The following SPIDR variants were observed in gnomAD, a reference collection of about 807,000 sequenced individuals.
The protein encoded by SPIDR is DNA repair-scaffolding protein.
SPIDR carries 93 observed loss-of-function variants against 104.6 expected under a neutral mutation model. That is an observed-to-expected ratio of 0.89 (90% confidence interval 0.75 to 1.06). The LOEUF is 1.06. Among genes scored for constraint, SPIDR ranks in the 50% least tolerant of loss-of-function variants. The pLI, the probability that SPIDR is intolerant of heterozygous loss-of-function variation, is 0.00. For synonymous variants in SPIDR, 431 were observed against 416.9 expected (o/e 1.03, Z -0.41); for missense variants, 1,154 against 1,111.2 (o/e 1.04, Z -0.55).
In SPIDR at chr8:47,578,119, C is replaced by A. The variant is rs142202085; in HGVS notation, c.1098-17692C>A. 1.5e-3 allele frequency among the ~76,000 whole-genome samples: 226 copies of A among 152,344 alleles called. 5 individuals carry two copies. In the East Asian group the frequency reaches 0.031, roughly 21 times the overall value. ...TTTTCTTTCAAGACTACACTATGCA[C>A]TTCACTTGTTAATACATACATTTGA... On this transcript the variant is annotated intron_variant, in intron 8 of 19. Coordinates refer to ENST00000297423, the MANE Select transcript of SPIDR (RefSeq NM_001080394.4).
intron 11 of SPIDR, among the ~76,000 whole-genome samples, chr8:47,693,960 C>G (rs1050978651): frequency 6.6e-6 from 1 of 152,218 alleles, no homozygotes; most frequent in Non-Finnish European, 1.5e-5. Flanking sequence ...GAGCATGGCC[C>G]TAGCCCCAGG....
intron 10 of SPIDR, among the ~76,000 whole-genome samples, chr8:47,628,919 G>A (rs1004683945): frequency 3.3e-5 from 5 of 152,174 alleles, no homozygotes; most frequent in Admixed American, 3.3e-4. Context: ...CTACTTTCTG[G>A]ATCAGTCTCA....
intron 10 of SPIDR, among the ~76,000 whole-genome samples, chr8:47,621,230 C>T (rs960380228): frequency 6.6e-5 from 10 of 152,254 alleles, no homozygotes; most frequent in Non-Finnish European, 1.5e-4. Context: ...GCTGGGATTA[C>T]AGGCGTGAGC....
intron 5 of SPIDR, among the ~76,000 whole-genome samples, chr8:47,302,444 T>C (rs977867449): frequency 2.2e-4 from 34 of 152,124 alleles, no homozygotes; most frequent in African/African-American, 8.2e-4. Context: ...TTCTCTCAAC[T>C]CGTCAAAGTC....
intron 9 of SPIDR, among the ~76,000 whole-genome samples, chr8:47,598,354 A>G (rs985768171): frequency 2.6e-5 from 4 of 152,160 alleles, no homozygotes; most frequent in South Asian, 2.1e-4. Flanking sequence ...GATATTATCT[A>G]TCTTCTTGGG....
chr8:47,632,379 C>G (rs1298558549), intron 10 of SPIDR, among the ~76,000 whole-genome samples: 1 of 152,168 alleles, frequency 6.6e-6, no homozygotes, highest in Admixed American at 6.5e-5. Context: ...TTTCACTGCA[C>G]TCACAGCCCA....
chr8:47,723,910 T>C (rs1003787924), intron 16 of SPIDR, among the ~76,000 whole-genome samples: 4 of 151,942 alleles, frequency 2.6e-5, no homozygotes, highest in East Asian at 1.9e-4. Context: ...ACTCCTGTTA[T>C]GCATTTCACT....
chr8:47,565,971 CATATATAT>C lies in SPIDR; in HGVS notation c.1098-29825_1098-29818del, dbSNP rs1170408396. ...TGGATAAGAATGTGATATTTATACTCATATATATATATATATATATATTTTTTTTTTTT... is the reference window on the plus strand; with the variant it reads ...TGGATAAGAATGTGATATTTATACTCATATATATATATATTTTTTTTTTTT... On this transcript the variant is annotated intron_variant, in intron 8 of 19. Coordinates refer to ENST00000297423, the MANE Select transcript of SPIDR (RefSeq NM_001080394.4). Among the ~76,000 whole-genome samples the C allele has an allele frequency of 2.8e-3, 116 of 41,458 alleles. 5 individuals carry two copies. Among genetic ancestry groups the C allele is most frequent in the Non-Finnish European group, 4.5e-3 (95 of 20,952 alleles). 27.2% of individuals were successfully genotyped at this position (41,458 alleles called of 152,430 possible).
intron 10 of SPIDR, among the ~76,000 whole-genome samples, chr8:47,624,861 G>A (rs909377599): frequency 1.3e-5 from 2 of 152,142 alleles, no homozygotes; most frequent in African/African-American, 4.8e-5. Flanking sequence ...AATAGAAAAA[G>A]AGGGAATCCT....
intron 10 of SPIDR, among the ~76,000 whole-genome samples, chr8:47,658,044 A>AAAAAAAAG (rs2073222297): frequency 6.8e-6 from 1 of 146,314 alleles, no homozygotes; most frequent in African/African-American, 2.7e-5. Flanking sequence ...AAAAAAAAAA[A>AAAAAAAAG]AAAAAGAAAA....
chr8:47,464,827 G>T (rs980921099), intron 8 of SPIDR, among the ~76,000 whole-genome samples: 2 of 151,972 alleles, frequency 1.3e-5, no homozygotes, highest in African/African-American at 4.8e-5. Context: ...GGAGTGTCTT[G>T]GCAAAGTTTT....
At chr8:47,613,643 G>A (rs1388677732) in intron 10 of SPIDR, among the ~76,000 whole-genome samples, 4 of 152,116 alleles carry the variant, frequency 2.6e-5, no homozygotes, top group African/African-American at 9.7e-5. Flanking sequence ...ATCCTCGCCA[G>A]CACTTGCTAT....
intron 10 of SPIDR, among the ~76,000 whole-genome samples, chr8:47,617,628 TAA>T (rs914470277): frequency 6.6e-6 from 1 of 152,192 alleles, no homozygotes; most frequent in African/African-American, 2.4e-5. Context: ...GGATAATATA[TAA>T]GAGATGTTGT....
intron 8 of SPIDR, among the ~76,000 whole-genome samples, chr8:47,450,817 A>T (rs2071580985): frequency 6.6e-6 from 1 of 152,228 alleles, no homozygotes; most frequent in South Asian, 2.1e-4. Context: ...AACCACATGA[A>T]GTGCCTGTTG....
intron 5 of SPIDR, among the ~76,000 whole-genome samples, chr8:47,373,505 T>C (rs2058298529): frequency 6.6e-6 from 1 of 152,068 alleles, no homozygotes; most frequent in South Asian, 2.1e-4. Context: ...TTTTTTTTAA[T>C]TTTTATTTTT....
rs551707512 is a variant in SPIDR, at chr8:47,261,838, C to T, written c.33+847C>T. 7.9e-5 allele frequency among the ~76,000 whole-genome samples: 12 copies of T among 152,282 alleles called. 1 individual carries two copies. In the South Asian group the frequency reaches 2.5e-3, roughly 32 times the overall value. On this transcript the variant is annotated intron_variant, in intron 1 of 19. Coordinates refer to ENST00000297423, the MANE Select transcript of SPIDR (RefSeq NM_001080394.4). ...ACTGGCTTTAGGGAATAAAGAAATT[C>T]ATTTCAGGCACCTCTTGATTATAAG...
At chr8:47,292,903 G>A (rs1467920067) in intron 4 of SPIDR, among the ~76,000 whole-genome samples, 1 of 152,036 alleles carries the variant, frequency 6.6e-6, no homozygotes, top group East Asian at 1.9e-4. Context: ...ATGAATGAAT[G>A]AGTGCTGCAC....
chr8:47,715,428 C>T (rs572102593), intron 16 of SPIDR, among the ~76,000 whole-genome samples: 22 of 152,250 alleles, frequency 1.4e-4, no homozygotes, highest in African/African-American at 4.1e-4. Flanking sequence ...CTCCTCTCCT[C>T]GGCCTCCCAA....
intron 10 of SPIDR, among the ~76,000 whole-genome samples, chr8:47,649,633 G>A (rs1378857981): frequency 6.6e-6 from 1 of 152,096 alleles, no homozygotes; most frequent in Non-Finnish European, 1.5e-5. Context: ...CGGCTATATG[G>A]GAAAAAGTCC....
Sources: gnomAD v4.1 joint callset for allele counts (sites outside exome capture counted in the v4.1 genomes callset) on GRCh38, gnomAD v4.1.1 for gene constraint, MANE v1.5 for transcripts, NCBI Gene and HGNC (gene_info 2026-07-23, HGNC 2026-07-21) for gene names.